The following CTNND2 variants were observed in gnomAD, a reference collection of about 807,000 sequenced individuals.
The protein encoded by CTNND2 is catenin delta 2.
A neutral mutation model predicts 144.4 loss-of-function variants in CTNND2; 22 were observed. The ratio of observed to expected loss-of-function variants is 0.15; its 90% CI spans 0.11 to 0.22. The LOEUF is 0.22. Among genes scored for constraint, CTNND2 ranks in the 10% least tolerant of loss-of-function variants. The probability of loss-of-function intolerance (pLI) is 1.00; values close to 1 mark genes in which losing one functional copy is unlikely to be tolerated. For synonymous variants in CTNND2, 751 were observed against 695.6 expected (o/e 1.08, Z -1.25); for missense variants, 1,353 against 1,618.8 (o/e 0.84, Z 2.82).
intron 1 of CTNND2, among the ~76,000 whole-genome samples, chr5:11,867,839 C>T (rs957051747): frequency 4.6e-5 from 7 of 151,306 alleles, no homozygotes; most frequent in Admixed American, 6.6e-5. Context: ...AAATAATGTA[C>T]TATTTATAAA....
chr5:11,895,157 C>T (rs1220050720), intron 1 of CTNND2, among the ~76,000 whole-genome samples: 1 of 152,140 alleles, frequency 6.6e-6, no homozygotes. Flanking sequence ...GCCAGAACCA[C>T]ACACAAAGCA....
At chr5:11,757,106 C>T (rs1326685729) in intron 1 of CTNND2, among the ~76,000 whole-genome samples, 1 of 151,548 alleles carries the variant, frequency 6.6e-6, no homozygotes, top group African/African-American at 2.4e-5. Context: ...CTAGTTTTCC[C>T]CTATCAATTT....
chr5:11,406,415 C>T (rs1266361764), intron 5 of CTNND2, among the ~76,000 whole-genome samples: 1 of 152,012 alleles, frequency 6.6e-6, no homozygotes, highest in East Asian at 1.9e-4. Flanking sequence ...TTTTTTGAGC[C>T]AATTTGATTA....
At chr5:11,708,949 A>AT (rs1310778022) in intron 2 of CTNND2, among the ~76,000 whole-genome samples, 14 of 152,310 alleles carry the variant, frequency 9.2e-5, no homozygotes, top group Middle Eastern at 3.4e-3. Context: ...TTCACCTAAC[A>AT]TAGTGCCTTT....
chr5:11,793,278 T>C (rs1348219527), intron 1 of CTNND2, among the ~76,000 whole-genome samples: 2 of 152,178 alleles, frequency 1.3e-5, no homozygotes, highest in South Asian at 4.1e-4. Context: ...TCTCAGGAAA[T>C]GGCAATTCTG....
intron 9 of CTNND2, among the ~76,000 whole-genome samples, chr5:11,320,848 C>A (rs258846): frequency 0.032 from 4,920 of 152,140 alleles, 270 homozygotes; most frequent in African/African-American, 0.11. Flanking sequence ...TATCTTAAAG[C>A]AAATTTCTAA....
At chr5:11,671,535 A>G (rs923746786) in intron 2 of CTNND2, among the ~76,000 whole-genome samples, 3 of 151,088 alleles carry the variant, frequency 2.0e-5, no homozygotes, top group African/African-American at 7.3e-5. Context: ...ATGATCTTCA[A>G]TCTCTGATAT....
intron 10 of CTNND2, among the ~76,000 whole-genome samples, chr5:11,227,665 G>A (rs1360973807): frequency 6.6e-6 from 1 of 152,074 alleles, no homozygotes; most frequent in Non-Finnish European, 1.5e-5. Flanking sequence ...CAGATGAAAT[G>A]TTCTAAATTT....
chr5:11,213,998 T>C (rs1738914364), intron 10 of CTNND2, among the ~76,000 whole-genome samples: 1 of 152,138 alleles, frequency 6.6e-6, no homozygotes. Context: ...GCTTGTAGCG[T>C]TAATTTTCTT....
At chr5:11,265,679 A>G (rs994171699) in intron 9 of CTNND2, among the ~76,000 whole-genome samples, 2 of 149,414 alleles carry the variant, frequency 1.3e-5, no homozygotes, top group East Asian at 1.9e-4. Flanking sequence ...ATCACTCAGC[A>G]TCACTGTATG....
At chr5:11,419,036 A>C (rs1320249229) in intron 3 of CTNND2, among the ~76,000 whole-genome samples, 8 of 142,576 alleles carry the variant, frequency 5.6e-5, no homozygotes, top group Admixed American at 4.9e-4. Flanking sequence ...CTATATATAG[A>C]TATATAGATA....
intron 2 of CTNND2, among the ~76,000 whole-genome samples, chr5:11,576,164 A>G (rs1398142794): frequency 3.9e-5 from 6 of 152,076 alleles, no homozygotes; most frequent in Admixed American, 3.3e-4. Context: ...GGCCACAAGT[A>G]TCTCTTGCCC....
At chr5:11,556,887 T>C (rs1561552312) in intron 3 of CTNND2, among the ~76,000 whole-genome samples, 2 of 152,148 alleles carry the variant, frequency 1.3e-5, no homozygotes, top group Admixed American at 1.3e-4. Context: ...TGGGAATCTA[T>C]ATAATAAAAA....
In CTNND2 at chr5:11,732,337, A is replaced by G. The variant is rs570669920; in HGVS notation, c.38-65T>C. On this transcript the variant is annotated intron_variant, in intron 1 of 21. Coordinates refer to ENST00000304623, the MANE Select transcript of CTNND2 (RefSeq NM_001332.4). ...GACACTAAACAGGTACAACTATCAG[A>G]CCACTTTGAAGATACACACAGAAAA... The G allele has an allele frequency of 1.2e-5, 18 of 1,511,870 alleles. 2 individuals carry two copies. In the South Asian group the frequency reaches 1.9e-4, roughly 16 times the overall value. 93.7% of individuals were successfully genotyped at this position (1,511,870 alleles called of 1,614,324 possible).
intron 17 of CTNND2, among the ~76,000 whole-genome samples, chr5:11,021,239 A>G (rs939357837): frequency 3.3e-5 from 5 of 152,214 alleles, no homozygotes; most frequent in African/African-American, 1.2e-4. Context: ...AATATATGCC[A>G]AACCACTCCT....
intron 15 of CTNND2, among the ~76,000 whole-genome samples, chr5:11,091,361 T>C (rs780502315): frequency 3.9e-5 from 6 of 152,234 alleles, no homozygotes; most frequent in Non-Finnish European, 7.4e-5. Flanking sequence ...ACATTTTCCA[T>C]GTGTAACTTT....
intron 2 of CTNND2, among the ~76,000 whole-genome samples, chr5:11,642,373 T>C (rs1025810498): frequency 5.9e-5 from 9 of 152,134 alleles, no homozygotes; most frequent in African/African-American, 1.4e-4. Context: ...AAAGGAATCA[T>C]AGAACAAGGG....
At chr5:11,455,725 G>T (rs1156302326) in intron 3 of CTNND2, among the ~76,000 whole-genome samples, 1 of 152,118 alleles carries the variant, frequency 6.6e-6, no homozygotes, top group African/African-American at 2.4e-5. Flanking sequence ...GAGAAAAGAA[G>T]TGGATGAAAA....
At chr5:11,521,166 G>A (rs1259986964) in intron 3 of CTNND2, among the ~76,000 whole-genome samples, 1 of 152,102 alleles carries the variant, frequency 6.6e-6, no homozygotes, top group African/African-American at 2.4e-5. Context: ...ATGACACTAA[G>A]TTTTTGTTTC....
Sources: gnomAD v4.1 joint callset for allele counts (sites outside exome capture counted in the v4.1 genomes callset) on GRCh38, gnomAD v4.1.1 for gene constraint, MANE v1.5 for transcripts, NCBI Gene and HGNC (gene_info 2026-07-23, HGNC 2026-07-21) for gene names.